The following ELAPOR1 variants were observed in gnomAD, a reference collection of about 807,000 sequenced individuals.
ELAPOR1 encodes endosome-lysosome associated apoptosis and autophagy regulator 1.
Under a neutral mutation model 119.7 loss-of-function variants are expected in ELAPOR1, and 77 were observed. The ratio of observed to expected loss-of-function variants is 0.64; its 90% CI spans 0.54 to 0.78. The LOEUF is 0.78. Among genes scored for constraint, ELAPOR1 ranks in the 30% least tolerant of loss-of-function variants. The pLI is 0.00. For synonymous variants in ELAPOR1, 481 were observed against 487.2 expected, an observed-to-expected ratio of 0.99 and a Z score of 0.17; for missense variants, 1,115 against 1,270.4, an observed-to-expected ratio of 0.88 and a Z score of 1.86.
chr1:109,143,415 G>C (rs776305377), intron 1 of ELAPOR1, among the ~76,000 whole-genome samples: 7 of 152,190 alleles, frequency 4.6e-5, no homozygotes, highest in Non-Finnish European at 7.3e-5. Context: ...TAAATACATA[G>C]AGTCAGAGAA....
intron 10 of ELAPOR1, 112 bp downstream of exon 10, chr1:109,189,306 C>A (rs1653277795): frequency 1.5e-6 from 2 of 1,330,092 alleles, no homozygotes; most frequent in African/African-American, 1.5e-5. Flanking sequence ...CTAACCATGT[C>A]ATGCATTCCC....
In ELAPOR1 at chr1:109,188,226, T is replaced by C. The variant is rs774457297; in HGVS notation, c.1091T>C (p.Leu364Pro). The stretch of plus-strand genomic sequence containing the variant: ...AAGCCGAAAATCTGTAGCGAGGACC[T>C]TGAGGGGGCAGTGAAGCTGCCTGCC... ...WAKPKICSEDLEGAVKLPASG... is the reference protein window; with the variant it reads ...WAKPKICSEDPEGAVKLPASG... The change falls in exon 9 of 22, where the codon CTT becomes CCT. Residue 364 changes from leucine (L) to proline (P), a missense_variant. Coordinates refer to ENST00000369939, the MANE Select transcript of ELAPOR1 (RefSeq NM_020775.5). The C allele has an allele frequency of 9.3e-6, 15 of 1,613,824 alleles. No homozygotes were observed. The African/African-American group carries it at 1.1e-4, about 11-fold the overall frequency.
intron 7 of ELAPOR1, among the ~76,000 whole-genome samples, chr1:109,177,475 C>G (rs1336301710): frequency 9.3e-6 from 1 of 107,490 alleles, no homozygotes; most frequent in African/African-American, 4.3e-5. Flanking sequence ...CGGGCAGAGA[C>G]GCTCCTCACT....
intron 1 of ELAPOR1, among the ~76,000 whole-genome samples, chr1:109,117,559 T>C (rs999130235): frequency 6.6e-6 from 1 of 152,218 alleles, no homozygotes; most frequent in Non-Finnish European, 1.5e-5. Context: ...GGATGCTACT[T>C]TGAGAAGTTA....
intron 3 of ELAPOR1, among the ~76,000 whole-genome samples, chr1:109,167,492 TCA>T (rs1651670497): frequency 1.3e-5 from 2 of 152,158 alleles, no homozygotes; most frequent in African/African-American, 4.8e-5. Context: ...GCTTTCCTAT[TCA>T]GCTGTGCAGC....
At chr1:109,201,945 AAAC>A (rs1473544818) in intron 21 of ELAPOR1, among the ~76,000 whole-genome samples, 2 of 152,102 alleles carry the variant, frequency 1.3e-5, no homozygotes, top group Non-Finnish European at 2.9e-5. Context: ...ACAAAATAAA[AAAC>A]AATCAGCTGG....
chr1:109,181,839 A>G (rs634699), intron 7 of ELAPOR1, among the ~76,000 whole-genome samples: 123,255 of 152,016 alleles, frequency 0.81, 50,585 homozygotes, highest in East Asian at 1. Flanking sequence ...AGACAGAGAC[A>G]GAAGAGGTAT....
chr1:109,119,144 G>T (rs1230151184), intron 1 of ELAPOR1, among the ~76,000 whole-genome samples: 1 of 151,614 alleles, frequency 6.6e-6, no homozygotes, highest in Admixed American at 6.6e-5. Flanking sequence ...CGATCTGCCC[G>T]CCTCGGCCTC....
chr1:109,176,254 C>G (rs1328060081), intron 7 of ELAPOR1, among the ~76,000 whole-genome samples: 1 of 152,152 alleles, frequency 6.6e-6, no homozygotes. Context: ...AGATGGCTTT[C>G]TGCTCAGACA....
At chr1:109,128,524 G>C (rs1329711967) in intron 1 of ELAPOR1, among the ~76,000 whole-genome samples, 2 of 152,166 alleles carry the variant, frequency 1.3e-5, no homozygotes, top group African/African-American at 4.8e-5. Flanking sequence ...CATTGCTGGT[G>C]TTGAGGTGAA....
chr1:109,188,893 T>A (rs537880873), intron 9 of ELAPOR1, among the ~76,000 whole-genome samples, 173 bp from the exon 10 acceptor site: 2 of 152,368 alleles, frequency 1.3e-5, no homozygotes, highest in Non-Finnish European at 1.5e-5. Context: ...TTGAGTTAAA[T>A]ACATTGTCAG....
chr1:109,144,061 A>ATATTTTTTTTTTTTTTT lies in ELAPOR1; in HGVS notation c.154-17832_154-17831insATTTTTTTTTTTTTTTT. ...TATATATATATATATATATTTATAT[A>ATATTTTTTTTTTTTTTT]TTTTTTTTTTTTTTTGAGATGGAGT... On this transcript the variant is annotated intron_variant, in intron 1 of 21. Coordinates refer to ENST00000369939, the MANE Select transcript of ELAPOR1 (RefSeq NM_020775.5). 4.7e-4 allele frequency among the ~76,000 whole-genome samples: 42 copies of ATATTTTTTTTTTTTTTT among 88,970 alleles called. 2 individuals are homozygous for ATATTTTTTTTTTTTTTT. Among genetic ancestry groups the ATATTTTTTTTTTTTTTT allele is most frequent in the African/African-American group, 1.6e-3 (33 of 20,728 alleles). 58.4% of individuals were successfully genotyped at this position (88,970 alleles called of 152,430 possible).
intron 1 of ELAPOR1, among the ~76,000 whole-genome samples, chr1:109,142,396 G>A (rs554332516): frequency 2.0e-3 from 307 of 152,294 alleles, no homozygotes; most frequent in South Asian, 3.7e-3. Context: ...GGCTCTCTAG[G>A]GAGGTGAAAG....
rs757723008 is a variant in ELAPOR1 at position 109,198,557 on chromosome 1, C to T, written c.2400-16C>T. The T allele has an allele frequency of 6.2e-7, 1 of 1,607,528 alleles. No homozygotes were observed. Among genetic ancestry groups the T allele is most frequent in the Non-Finnish European group, 8.5e-7 (1 of 1,176,118 alleles). On this transcript the variant is annotated splice_polypyrimidine_tract_variant and intron_variant, in intron 17 of 21. Coordinates refer to ENST00000369939, the MANE Select transcript of ELAPOR1 (RefSeq NM_020775.5). ...TGAGTGACTCATTCCCTCATGGGGG[C>T]TGGCTTTCTCTGCAGGTCCAATGAT...
At chr1:109,176,414 G>A (rs186180845) in intron 7 of ELAPOR1, among the ~76,000 whole-genome samples, 66 of 152,108 alleles carry the variant, frequency 4.3e-4, no homozygotes, top group African/African-American at 1.5e-3. Flanking sequence ...CCCAGCACAA[G>A]GCCCTCTCTC....
rs1280196857 is a variant in ELAPOR1 at position 109,198,709 on chromosome 1, A to G, written c.2501+35A>G. 7 of 1,553,014 alleles carry G rather than the reference A, an allele frequency of 4.5e-6. No individual in the cohort carries two copies. In the East Asian group the frequency reaches 1.1e-4, roughly 25 times the overall value. ...GCAAAGGGATGTAACAAAGGCCAAA[A>G]TCTCCCTTGAAGTCATTCCATCCTG... is the stretch of plus-strand genomic sequence containing the variant. On this transcript the variant is annotated intron_variant, in intron 18 of 21. Coordinates refer to ENST00000369939, the MANE Select transcript of ELAPOR1 (RefSeq NM_020775.5).
intron 8 of ELAPOR1, chr1:109,187,702 A>G (rs1653143042): frequency 2.2e-6 from 2 of 925,494 alleles, no homozygotes; most frequent in South Asian, 1.0e-4. Flanking sequence ...GGATTTACCC[A>G]ATAAATAAAA....
chr1:109,186,621 TTCTGTGGTG>T, intron 8 of ELAPOR1: 1 of 985,448 alleles, frequency 1.0e-6, no homozygotes, highest in East Asian at 1.1e-4. Context: ...TTAGACTCAG[TTCTGTGGTG>T]TCTGGTATTC....
intron 5 of ELAPOR1, 108 bp from the exon 6 acceptor site, chr1:109,173,366 G>T: frequency 2.3e-6 from 2 of 858,110 alleles, no homozygotes; most frequent in Non-Finnish European, 3.8e-6. Context: ...GTCAGAAGAA[G>T]CATTACCATG....
Sources: allele counts gnomAD v4.1 joint callset (sites outside exome capture counted in the v4.1 genomes callset), GRCh38; gene constraint gnomAD v4.1.1; transcripts MANE v1.5; gene names NCBI Gene and HGNC (gene_info 2026-07-23, HGNC 2026-07-21).